The following TLCD2 variants were observed in gnomAD, a reference collection of about 807,000 sequenced individuals.
TLCD2 encodes the protein TLC domain-containing protein 2.
Under a neutral mutation model 14.0 loss-of-function variants are expected in TLCD2, and 12 were observed. The ratio of observed to expected loss-of-function variants is 0.86; its 90% confidence interval spans 0.55 to 1.39. TLCD2 has a LOEUF of 1.39. Among genes scored for constraint, TLCD2 ranks in the 40% most tolerant of loss-of-function variants. The pLI, the probability that TLCD2 is intolerant of heterozygous loss-of-function variation, is 0.00. For synonymous variants in TLCD2, 166 were observed against 156.5 expected (o/e 1.06, Z -0.45); for missense variants, 360 against 346.8 (o/e 1.04, Z -0.30).
Position 1,709,862 on chromosome 17 carries a change from G to A in TLCD2, c.201C>T (p.Ala67=), listed in dbSNP as rs1567707103. The change falls in exon 2 of 4, where the codon GCC becomes GCT. Residue 67 remains alanine, a synonymous_variant. Transcript: ENST00000330676. ...GCGGGTGGCCATGGATGGGGTCGGC[G>A]GCCATCTGAGGGTACAGTGACAGGC... ...LLGLSLYPQM[A]ADPIHGHPRW... is the part of the protein sequence containing the mutation. The A allele has an allele frequency of 6.5e-7, 1 of 1,533,828 alleles. No homozygotes were observed. The highest frequency in any genetic ancestry group is 1.8e-4 in the Middle Eastern group (1 of 5,608).
chr17:1,709,977 C>T, intron 1 of TLCD2, 90 bp downstream of exon 1: 1 of 1,515,204 alleles, frequency 6.6e-7, no homozygotes. Context: ...CCACCCCAGT[C>T]TCAGCTCTGG....
rs118155869 is a variant in TLCD2 at position 1,708,076 on chromosome 17, G to T, written c.489C>A (p.Ser163Arg). The stretch of plus-strand genomic sequence containing the variant: ...TGGCCAAGGAGGCCCAGCTGGTCAC[G>T]CTGAAGGCCAGGGATGGGGCCTGGC... Reference protein sequence around the residue: ...LSRQAPSLAFSVTSWASLATL... With the variant: ...LSRQAPSLAFRVTSWASLATL... The change falls in exon 4 of 4, where the codon AGC becomes AGA. Residue 163 changes from serine to arginine, a missense_variant. Physicochemically the swap from Ser to Arg is moderately radical, Grantham distance 110. Transcript: ENST00000330676. 3 of 1,537,086 alleles carry T rather than the reference G, an allele frequency of 2.0e-6. No homozygotes were observed. Among genetic ancestry groups the T allele is most frequent in the Non-Finnish European group, 2.6e-6 (3 of 1,146,922 alleles).
rs1411914008 is a variant in TLCD2 at position 1,705,645 on chromosome 17, ATCAC to A, written c.*2121_*2124del. 2 of 152,066 alleles carry A rather than the reference ATCAC, an allele frequency of 1.3e-5. No individual in the cohort carries two copies. The highest frequency in any genetic ancestry group is 4.8e-5 in the African/African-American group (2 of 41,442). 9.4% of individuals were successfully genotyped at this position (152,066 alleles called of 1,614,324 possible). A position where few individuals can be genotyped will look rare whatever the true frequency, so the allele number is the denominator to read the frequency against. On this transcript the variant is annotated 3_prime_UTR_variant, in exon 4 of 4. Transcript: ENST00000330676. ...GAATAATCCTTCTCTCTTTCTATCT[ATCAC>A]TCAATCTATGTATGTCTGTCTCTGT...
Position 1,706,914 on chromosome 17 carries a change from C to T in TLCD2, c.*856G>A, listed in dbSNP as rs1292390423. Reference sequence around the variant, plus strand: ...TGCGCCTGTTCTCACGTCTGTAATCCCAGCACTCTGGGAGGCCGAGGCAGG... The same window carrying T: ...TGCGCCTGTTCTCACGTCTGTAATCTCAGCACTCTGGGAGGCCGAGGCAGG... On this transcript the variant is annotated 3_prime_UTR_variant, in exon 4 of 4. Coordinates refer to ENST00000330676, the MANE Select transcript of TLCD2 (RefSeq NM_001164407.2). 1 of 151,748 alleles carries T rather than the reference C, an allele frequency of 6.6e-6. No homozygotes were observed. Among genetic ancestry groups the T allele is most frequent in the Non-Finnish European group, 1.5e-5 (1 of 67,996 alleles). 9.4% of individuals were successfully genotyped at this position (151,748 alleles called of 1,614,324 possible).
At position 1,710,080 on chromosome 17, in the gene TLCD2, C is replaced by T. The variant is rs1422305739; in HGVS notation, c.163G>A (p.Gly55Arg). The T allele has an allele frequency of 2.6e-6, 4 of 1,532,958 alleles. No homozygotes were observed. Among genetic ancestry groups the T allele is most frequent in the Non-Finnish European group, 3.5e-6 (4 of 1,146,280 alleles). 95.0% of individuals were successfully genotyped at this position (1,532,958 alleles called of 1,614,324 possible). A position where few individuals can be genotyped will look rare whatever the true frequency, so the allele number is the denominator to read the frequency against. ...SLAHSLLSGTGALLGLSLYPQ... is the reference protein window; with the variant it reads ...SLAHSLLSGTRALLGLSLYPQ... ...CCAAGCCCGCACCCGAGCAGCGCCC[C>T]GGTCCCCGAGAGCAGGCTGTGCGCC... is the stretch of plus-strand genomic sequence containing the variant. Residue 55 changes from glycine to arginine, a missense_variant, in exon 1 of 4, where the codon GGG becomes AGG. Physicochemically the swap from Gly to Arg is moderately radical, Grantham distance 125. Coordinates refer to ENST00000330676, the MANE Select transcript of TLCD2 (RefSeq NM_001164407.2). This position sits in a 1 kb window ranked among gnomAD's most constrained non-coding sequence, Gnocchi z 6.1.
rs781399159 is a variant in TLCD2 at position 1,709,389 on chromosome 17, C to CAA, written c.342+108_342+109dup. The CAA allele has an allele frequency of 5.6e-3, 1,681 of 297,806 alleles. 1 individual carries two copies. The highest frequency in any genetic ancestry group is 8.4e-3 in the South Asian group (335 of 40,038). The allele number at this position is 297,806 out of a possible 1,614,324, so 18.4% of individuals were successfully genotyped here. On this transcript the variant is annotated intron_variant, in intron 3 of 3. Transcript: ENST00000330676. ...TGGGTGACAGAGTGAGACTCCGTCT[C>CAA]AAAAAAAAAAAAAAAAAAAAAAAAA...
At position 1,702,981 on chromosome 17, in the gene TLCD2, G is replaced by A. The variant is rs1913921299; in HGVS notation, c.*4789C>T. Reference sequence around the variant, plus strand: ...GTCCGTCTTGAGGACCATTTCCCTGGGCCACGGTAAAGTCTGGCGAAGCAC... The same window carrying A: ...GTCCGTCTTGAGGACCATTTCCCTGAGCCACGGTAAAGTCTGGCGAAGCAC... On this transcript the variant is annotated 3_prime_UTR_variant, in exon 4 of 4. Transcript: ENST00000330676. The A allele has an allele frequency of 6.6e-6, 1 of 151,982 alleles. No individual in the cohort carries two copies. The highest frequency in any genetic ancestry group is 2.4e-5 in the African/African-American group (1 of 41,380). The allele number at this position is 151,982 out of a possible 1,614,324, so 9.4% of individuals were successfully genotyped here.
chr17:1,708,241 G>C lies in TLCD2; in HGVS notation c.343-19C>G. 3 of 1,500,132 alleles carry C rather than the reference G, an allele frequency of 2.0e-6. No individual in the cohort carries two copies. The highest frequency in any genetic ancestry group is 2.7e-6 in the Non-Finnish European group (3 of 1,126,970). 92.9% of individuals were successfully genotyped at this position (1,500,132 alleles called of 1,614,324 possible). ...TCACCACCTGGGAGCCAGGGTCACA[G>C]GTCAGAGGAACCCCATGACCTGCCA... On this transcript the variant is annotated intron_variant, in intron 3 of 3. Coordinates refer to ENST00000330676, the MANE Select transcript of TLCD2 (RefSeq NM_001164407.2).
Position 1,705,635 on chromosome 17 carries a change from C to T in TLCD2, c.*2135G>A, listed in dbSNP as rs1195687668. 2 of 152,250 alleles carry T rather than the reference C, an allele frequency of 1.3e-5. No individual in the cohort carries two copies. Among genetic ancestry groups the T allele is most frequent in the Non-Finnish European group, 2.9e-5 (2 of 68,052 alleles). 9.4% of individuals were successfully genotyped at this position (152,250 alleles called of 1,614,324 possible). ...ACCTCTATGTGAATAATCCTTCTCT[C>T]TTTCTATCTATCACTCAATCTATGT... On this transcript the variant is annotated 3_prime_UTR_variant, in exon 4 of 4. Coordinates refer to ENST00000330676, the MANE Select transcript of TLCD2 (RefSeq NM_001164407.2).
chr17:1,708,894 T>C (rs185005422), intron 3 of TLCD2, among the ~76,000 whole-genome samples: 9 of 152,232 alleles, frequency 5.9e-5, no homozygotes, highest in South Asian at 2.1e-4. Flanking sequence ...GCACCCAAAC[T>C]CCTTAGGCTC....
rs1914075560 is a variant in TLCD2, at chr17:1,707,683, CT to C, written c.*86del. The C allele has an allele frequency of 1.8e-6, 2 of 1,105,524 alleles. No homozygotes were observed. The highest frequency in any genetic ancestry group is 2.5e-6 in the Non-Finnish European group (2 of 804,710). 68.5% of individuals were successfully genotyped at this position (1,105,524 alleles called of 1,614,324 possible). On this transcript the variant is annotated 3_prime_UTR_variant, in exon 4 of 4. Coordinates refer to ENST00000330676, the MANE Select transcript of TLCD2 (RefSeq NM_001164407.2). Reference sequence around the variant, plus strand: ...GAGATTCTGATGAGCAAGTCTGGCCCTCACCCTGATGGGGGACTGTGCATGG... The same window carrying C: ...GAGATTCTGATGAGCAAGTCTGGCCCCACCCTGATGGGGGACTGTGCATGG...
rs1167962799 is a variant in TLCD2, at chr17:1,710,095, G to A, written c.148C>T (p.Leu50=). ...WNLCVSLAHS[L]LSGTGALLGL... is the part of the protein sequence containing the mutation. ...AGCAGCGCCCCGGTCCCCGAGAGCA[G>A]GCTGTGCGCCAGGGAGACGCAGAGG... Residue 50 remains leucine (L), a synonymous_variant, in exon 1 of 4, where the codon CTG becomes TTG. Coordinates refer to ENST00000330676, the MANE Select transcript of TLCD2 (RefSeq NM_001164407.2). This position sits in a 1 kb window ranked among gnomAD's most constrained non-coding sequence, Gnocchi z 6.1. 2.0e-6 allele frequency: 3 copies of A among 1,533,408 alleles called. No individual in the cohort carries two copies. In the Admixed American group the frequency reaches 5.9e-5, roughly 30 times the overall value. 95.0% of individuals were successfully genotyped at this position (1,533,408 alleles called of 1,614,324 possible).
intron 2 of TLCD2, 44 bp from the exon 3 acceptor site, chr17:1,709,625 C>A: frequency 6.6e-7 from 1 of 1,505,944 alleles, no homozygotes; most frequent in Non-Finnish European, 8.9e-7. Context: ...AGAGCCCGGG[C>A]AGCTTAGAGA....
chr17:1,707,887 G>T lies in TLCD2; in HGVS notation c.678C>A (p.Val226=), dbSNP rs779701763. The part of the protein sequence containing the change: ...ILGIRILVND[V]LQSRPHPPSP... ...TGGGTGGATGGGGTCGAGACTGTAGGACATCATTGACCAGAATACGGATCC... is the reference window on the plus strand; with the variant it reads ...TGGGTGGATGGGGTCGAGACTGTAGTACATCATTGACCAGAATACGGATCC... The change falls in exon 4 of 4, where the codon GTC becomes GTA. Residue 226 remains valine (V), a synonymous_variant. Coordinates refer to ENST00000330676, the MANE Select transcript of TLCD2 (RefSeq NM_001164407.2). The T allele has an allele frequency of 6.5e-7, 1 of 1,537,274 alleles. No individual in the cohort carries two copies. Among genetic ancestry groups the T allele is most frequent in the Non-Finnish European group, 8.7e-7 (1 of 1,146,922 alleles).
In TLCD2 at chr17:1,707,816, T is replaced by C. The variant is rs1914082394; in HGVS notation, c.749A>G (p.Asn250Ser). 1 of 1,523,824 alleles carries C rather than the reference T, an allele frequency of 6.6e-7. No individual in the cohort carries two copies. Among genetic ancestry groups the C allele is most frequent in the African/African-American group, 1.4e-5 (1 of 72,914 alleles). 94.4% of individuals were successfully genotyped at this position (1,523,824 alleles called of 1,614,324 possible). A position where few individuals can be genotyped will look rare whatever the true frequency, so the allele number is the denominator to read the frequency against. ...CGAACTGTTGCTGGTGACAGGTCCA[T>C]TGTCACGACGTGTCCTGGTCCCCCT... ...KTRGTRTRRD[N>S]GPVTSNSSTL... The change falls in exon 4 of 4, where the codon AAT (asparagine) becomes AGT (serine). Residue 250 changes from asparagine (N) to serine (S), a missense_variant. Transcript: ENST00000330676.
At chr17:1,709,919 C>T in intron 1 of TLCD2, 33 bp from the exon 2 acceptor site, 1 of 1,402,034 alleles carries the variant, frequency 7.1e-7, no homozygotes, top group Non-Finnish European at 9.7e-7. Context: ...TGGGGGGGGG[C>T]ATGGTCAGCC....
chr17:1,709,556 G>T lies in TLCD2; in HGVS notation c.285C>A (p.Asp95Glu). 1 of 1,537,146 alleles carries T rather than the reference G, an allele frequency of 6.5e-7. No individual in the cohort carries two copies. The highest frequency in any genetic ancestry group is 1.2e-5 in the South Asian group (1 of 84,052). The change falls in exon 3 of 4, where the codon GAC (aspartate) becomes GAA (glutamate). Residue 95 changes from aspartate to glutamate, a missense_variant. Transcript: ENST00000330676. ...TGCCCAAGGTCTGGTTCCACAGCAGGTCAGCTCCGTCTGCCAGGAAGTAAC... is the reference window on the plus strand; with the variant it reads ...TGCCCAAGGTCTGGTTCCACAGCAGTTCAGCTCCGTCTGCCAGGAAGTAAC... ...SVGYFLADGA[D>E]LLWNQTLGKT...
At position 1,709,823 on chromosome 17, in the gene TLCD2, C is replaced by T. The variant is rs963149748; in HGVS notation, c.240G>A (p.Val80=). ...PIHGHPRWAL[V]LVAVSVGYFL... ...ACTCACCCACAGACACAGCCACCAGCACCAGAGCCCAGCGCGGGTGGCCAT... is the reference window on the plus strand; with the variant it reads ...ACTCACCCACAGACACAGCCACCAGTACCAGAGCCCAGCGCGGGTGGCCAT... The change falls in exon 2 of 4, where the codon GTG becomes GTA. Residue 80 remains valine (V), a synonymous_variant. Transcript: ENST00000330676. 2.9e-5 allele frequency: 44 copies of T among 1,534,230 alleles called. No homozygotes were observed. Among genetic ancestry groups the T allele is most frequent in the Non-Finnish European group, 3.5e-5 (40 of 1,145,736 alleles).
chr17:1,709,993 C>T, intron 1 of TLCD2, 74 bp downstream of exon 1: 1 of 1,515,100 alleles, frequency 6.6e-7, no homozygotes, highest in Non-Finnish European at 8.8e-7. Flanking sequence ...TCTGGAGACG[C>T]CCGGCGGGTC....
Sources: allele counts gnomAD v4.1 joint callset (sites outside exome capture counted in the v4.1 genomes callset), GRCh38; gene constraint gnomAD v4.1.1; non-coding constraint Gnocchi (gnomAD v3.1); transcripts MANE v1.5; gene names NCBI Gene and HGNC (gene_info 2026-07-23, HGNC 2026-07-21).